Variants in CFAP54 observed in about 807,000 individuals in gnomAD.
CFAP54 encodes the protein cilia and flagella associated protein 54.
CFAP54 carries 290 observed loss-of-function variants against 370.4 expected under a neutral mutation model. The ratio of observed to expected loss-of-function variants is 0.78; its 90% CI spans 0.71 to 0.86. The LOEUF (loss-of-function observed/expected upper bound fraction) is 0.86, where lower values mean the gene tolerates loss of function less well. Ranked by LOEUF, CFAP54 falls within the 40% of genes least tolerant of loss-of-function variation. The pLI is 0.00. For missense variants in CFAP54, 3,399 were observed against 3,528.7 expected (o/e 0.96, Z 0.93); for synonymous variants, 1,206 against 1,236.5 (o/e 0.98, Z 0.52).
At chr12:96,528,568 C>T (rs1237759768) in intron 9 of CFAP54, among the ~76,000 whole-genome samples, 1 of 152,050 alleles carries the variant, frequency 6.6e-6, no homozygotes, top group Non-Finnish European at 1.5e-5. Flanking sequence ...CCATCTGTAC[C>T]TGGAATTTTT....
intron 60 of CFAP54, among the ~76,000 whole-genome samples, chr12:96,782,241 CA>C (rs1958587458): frequency 6.6e-6 from 1 of 151,886 alleles, no homozygotes; most frequent in South Asian, 2.1e-4. Flanking sequence ...ATTCAGATGC[CA>C]AAACTATTCC....
At chr12:96,826,306 A>AGAAAATATATATATTGAATATATATAGTC (rs1959101285) in intron 65 of CFAP54, among the ~76,000 whole-genome samples, 1 of 133,526 alleles carries the variant, frequency 7.5e-6, no homozygotes, top group Non-Finnish European at 1.6e-5. Context: ...TATATATAGA[A>AGAAAATATATATATTGAATATATATAGTC]GACAATATAT....
intron 40 of CFAP54, among the ~76,000 whole-genome samples, chr12:96,682,923 G>A (rs190921891): frequency 3.9e-4 from 60 of 152,220 alleles, no homozygotes; most frequent in East Asian, 1.5e-3. Flanking sequence ...TGTGGGGATG[G>A]AGATGATGTT....
chr12:96,586,292 C>G (rs1956075703), intron 22 of CFAP54, among the ~76,000 whole-genome samples: 1 of 152,076 alleles, frequency 6.6e-6, no homozygotes, highest in Non-Finnish European at 1.5e-5. Flanking sequence ...ACTTTGAGAA[C>G]TGCTGTTCTA....
chr12:96,626,750 A>T (rs1956553022), intron 29 of CFAP54, 63 bp from the exon 30 acceptor site: 1 of 982,674 alleles, frequency 1.0e-6, no homozygotes, highest in East Asian at 2.9e-5. Context: ...TAGCACTGGC[A>T]ACCCTTTGGT....
At chr12:96,525,798 A>T (rs1253005440) in intron 8 of CFAP54, among the ~76,000 whole-genome samples, 3 of 152,060 alleles carry the variant, frequency 2.0e-5, no homozygotes, top group African/African-American at 7.2e-5. Flanking sequence ...TCAAGCGATT[A>T]TTCTGCCTCA....
intron 63 of CFAP54, among the ~76,000 whole-genome samples, chr12:96,793,965 A>T (rs1258065083): frequency 6.6e-6 from 1 of 152,054 alleles, no homozygotes; most frequent in Non-Finnish European, 1.5e-5. Flanking sequence ...TGTTTGTCTG[A>T]AAAAGAGTGT....
At chr12:96,646,565 C>G (rs1350589954) in intron 33 of CFAP54, 1 of 152,148 alleles carries the variant, frequency 6.6e-6, no homozygotes, top group Non-Finnish European at 1.5e-5. Flanking sequence ...GGATCTAGAA[C>G]TAGAAATACC....
chr12:96,617,834 C>G (rs864632), intron 26 of CFAP54, among the ~76,000 whole-genome samples: 31,369 of 151,596 alleles, frequency 0.21, 3,541 homozygotes, highest in East Asian at 0.47. Flanking sequence ...ACTAAAAATA[C>G]AAAAAATTAG....
In CFAP54 at chr12:96,809,298, A is replaced by G. The variant is rs1039880495; in HGVS notation, c.8851-2438A>G. ...TATCTTAGTACCTTTTGGAATTTCTATTATTCAGTTATTGAACCAATTGGA... is the reference window on the plus strand; with the variant it reads ...TATCTTAGTACCTTTTGGAATTTCTGTTATTCAGTTATTGAACCAATTGGA... On this transcript the variant is annotated intron_variant, in intron 63 of 67. Coordinates refer to ENST00000524981, the MANE Select transcript of CFAP54 (RefSeq NM_001306084.2). 3.3e-5 allele frequency among the ~76,000 whole-genome samples: 5 copies of G among 151,986 alleles called. 1 individual carries two copies. The highest frequency in any genetic ancestry group is 4.8e-5 in the African/African-American group (2 of 41,390).
At chr12:96,651,383 C>T (rs1320554359) in intron 35 of CFAP54, among the ~76,000 whole-genome samples, 1 of 152,100 alleles carries the variant, frequency 6.6e-6, no homozygotes, top group Non-Finnish European at 1.5e-5. Context: ...AATACTAGTA[C>T]CTAGTGCACA....
At chr12:96,494,182 A>G (rs1954921490) in intron 1 of CFAP54, among the ~76,000 whole-genome samples, 1 of 152,182 alleles carries the variant, frequency 6.6e-6, no homozygotes, top group Non-Finnish European at 1.5e-5. Context: ...AGCAGAGTGA[A>G]AGAGGTACAA....
chr12:96,769,940 G>T (rs960356682), intron 60 of CFAP54, among the ~76,000 whole-genome samples: 3 of 152,164 alleles, frequency 2.0e-5, no homozygotes, highest in African/African-American at 4.8e-5. Context: ...AAACCTTCCA[G>T]CCTGAAAAGA....
chr12:96,613,358 A>C (rs1433651120), intron 26 of CFAP54, among the ~76,000 whole-genome samples: 1 of 152,204 alleles, frequency 6.6e-6, no homozygotes, highest in Non-Finnish European at 1.5e-5. Flanking sequence ...TCTCTGGGAC[A>C]CATTTAAGGC....
chr12:96,771,959 TATTC>T (rs1958467202), intron 60 of CFAP54, among the ~76,000 whole-genome samples: 1 of 152,216 alleles, frequency 6.6e-6, no homozygotes, highest in African/African-American at 2.4e-5. Context: ...TAATTGTAAG[TATTC>T]AGTCAGAAAA....
intron 67 of CFAP54, among the ~76,000 whole-genome samples, chr12:96,872,296 G>GA (rs901472773): frequency 6.6e-6 from 1 of 150,738 alleles, no homozygotes; most frequent in Non-Finnish European, 1.5e-5. Flanking sequence ...AGTGCTGAAA[G>GA]AAAAAAAAAG....
intron 27 of CFAP54, among the ~76,000 whole-genome samples, chr12:96,623,483 G>A (rs1282664214): frequency 1.3e-5 from 2 of 152,152 alleles, no homozygotes; most frequent in African/African-American, 4.8e-5. Flanking sequence ...GAGAATGCAG[G>A]TTTTGGAGGG....
At chr12:96,654,345 CA>C (rs1956895747) in intron 36 of CFAP54, among the ~76,000 whole-genome samples, 1 of 151,894 alleles carries the variant, frequency 6.6e-6, no homozygotes. Flanking sequence ...ACTAAAAATA[CA>C]AAAAATTAGC....
chr12:96,598,176 A>G (rs1487730398), intron 25 of CFAP54, among the ~76,000 whole-genome samples: 1 of 152,024 alleles, frequency 6.6e-6, no homozygotes, highest in South Asian at 2.1e-4. Context: ...AGTAAGTACC[A>G]ATATTAGTTG....
Sources: allele counts gnomAD v4.1 joint callset (sites outside exome capture counted in the v4.1 genomes callset), GRCh38; gene constraint gnomAD v4.1.1; transcripts MANE v1.5; gene names NCBI Gene and HGNC (gene_info 2026-07-23, HGNC 2026-07-21).